Variants in SLC44A1 observed in about 807,000 individuals in gnomAD.
The protein encoded by SLC44A1 is choline transporter-like protein 1.
In SLC44A1, 26 loss-of-function variants were observed where a neutral mutation model predicts 79.3. The observed-to-expected ratio is 0.33, with a 90% CI of 0.24 to 0.46. SLC44A1 has a LOEUF of 0.46. Among genes scored for constraint, SLC44A1 ranks in the 20% least tolerant of loss-of-function variants. The pLI is 1.00. For synonymous variants in SLC44A1, 263 were observed against 286.2 expected (o/e 0.92, Z 0.82); for missense variants, 688 against 798.1 (o/e 0.86, Z 1.66).
intron 15 of SLC44A1, among the ~76,000 whole-genome samples, chr9:105,411,074 T>C (rs1369386256): frequency 6.6e-6 from 1 of 152,204 alleles, no homozygotes; most frequent in African/African-American, 2.4e-5. Flanking sequence ...GTTTCCTTTT[T>C]GGGTAATGAA....
At chr9:105,299,396 T>A in intron 2 of SLC44A1, 87 bp downstream of exon 2, 3 of 805,166 alleles carry the variant, frequency 3.7e-6, no homozygotes, top group Non-Finnish European at 5.7e-6. Context: ...AGTTGTGGAA[T>A]ATACCAGTCC....
rs551372909 is a variant in SLC44A1, at chr9:105,389,575, A to G, written c.*519A>G. 40 of 1,118,340 alleles carry G rather than the reference A, an allele frequency of 3.6e-5. No homozygotes were observed. The African/African-American group carries it at 6.4e-4, about 18-fold the overall frequency. 69.3% of individuals were successfully genotyped at this position (1,118,340 alleles called of 1,614,324 possible). Reference sequence around the variant, plus strand: ...GAATTACTCCAATCAGTTTTCCCCAATCAAAGAAGCCATGTCATTTTACTT... The same window carrying G: ...GAATTACTCCAATCAGTTTTCCCCAGTCAAAGAAGCCATGTCATTTTACTT... On this transcript the variant is annotated 3_prime_UTR_variant, in exon 16 of 16. Transcript: ENST00000374720.
chr9:105,386,351 A>G, intron 15 of SLC44A1: 1 of 945,204 alleles, frequency 1.1e-6, no homozygotes, highest in African/African-American at 1.8e-5. Flanking sequence ...TTATTTTCAA[A>G]TATTATATAA....
At chr9:105,328,041 C>G (rs149316896) in intron 3 of SLC44A1, among the ~76,000 whole-genome samples, 15 of 152,298 alleles carry the variant, frequency 9.8e-5, no homozygotes, top group Middle Eastern at 3.4e-3. Context: ...CCTGAAATAT[C>G]TTCTTCCTTA....
intron 3 of SLC44A1, among the ~76,000 whole-genome samples, chr9:105,324,689 G>A (rs1826515810): frequency 6.6e-6 from 1 of 152,204 alleles, no homozygotes; most frequent in South Asian, 2.1e-4. Flanking sequence ...ATCTGTGATA[G>A]GCAAAGGATT....
Position 105,300,040 on chromosome 9 carries a change from GA to G in SLC44A1, c.126+737del, listed in dbSNP as rs1056088672. The stretch of plus-strand genomic sequence containing the variant: ...GAGTCCCTGCCAGTGTGCTGGGCTG[GA>G]AAAAACATAGAAAACTGCTATTTTT... On this transcript the variant is annotated intron_variant, in intron 2 of 15. Coordinates refer to ENST00000374720, the MANE Select transcript of SLC44A1 (RefSeq NM_080546.5). 166 of 642,028 alleles carry G rather than the reference GA, an allele frequency of 2.6e-4. No individual in the cohort carries two copies. In the African/African-American group the frequency reaches 2.8e-3, roughly 11 times the overall value. 39.8% of individuals were successfully genotyped at this position (642,028 alleles called of 1,614,324 possible).
chr9:105,421,721 G>C (rs1308519108), intron 15 of SLC44A1, among the ~76,000 whole-genome samples: 1 of 151,884 alleles, frequency 6.6e-6, no homozygotes, highest in Non-Finnish European at 1.5e-5. Flanking sequence ...CCGAGTAGCT[G>C]GGACTACAGG....
At chr9:105,403,774 C>G (rs1409195359) in intron 15 of SLC44A1, among the ~76,000 whole-genome samples, 1 of 150,106 alleles carries the variant, frequency 6.7e-6, no homozygotes, top group African/African-American at 2.5e-5. Flanking sequence ...GAGAGTGTTC[C>G]AAGGAGGAAT....
At chr9:105,415,008 C>T (rs1281116484) in intron 15 of SLC44A1, among the ~76,000 whole-genome samples, 2 of 151,892 alleles carry the variant, frequency 1.3e-5, no homozygotes, top group African/African-American at 4.8e-5. Context: ...ACCCATCAAA[C>T]ATAAGAAAGG....
chr9:105,395,284 T>C lies in SLC44A1; in HGVS notation c.*6228T>C. 4.2e-6 allele frequency: 3 copies of C among 718,832 alleles called. No homozygotes were observed. Among genetic ancestry groups the C allele is most frequent in the Non-Finnish European group, 5.1e-6 (3 of 587,090 alleles). The allele number at this position is 718,832 out of a possible 1,614,324, so 44.5% of individuals were successfully genotyped here. ...GCCAGCTTAGAGTGCAGTGGCTCAA[T>C]CTTAGCTCACTGCAACCTCCACCTC... On this transcript the variant is annotated 3_prime_UTR_variant, in exon 16 of 16. Transcript: ENST00000374720.
intron 2 of SLC44A1, among the ~76,000 whole-genome samples, chr9:105,301,807 G>T (rs539725171): frequency 6.6e-6 from 1 of 152,272 alleles, no homozygotes; most frequent in South Asian, 2.1e-4. Flanking sequence ...AATAGGAACT[G>T]GAACTTTCTG....
intron 15 of SLC44A1, chr9:105,385,840 C>T: frequency 7.1e-6 from 7 of 985,352 alleles, no homozygotes; most frequent in Non-Finnish European, 8.4e-6. Context: ...TCAGACTGAA[C>T]ATTTTGGTGT....
At chr9:105,335,429 A>C (rs1588795511) in intron 3 of SLC44A1, 134 bp from the exon 4 acceptor site, 1 of 576,054 alleles carries the variant, frequency 1.7e-6, no homozygotes, top group East Asian at 3.0e-5. Flanking sequence ...ATTTTTTTAA[A>C]ATGTATTTAT....
At chr9:105,298,848 G>C (rs1830799568) in intron 1 of SLC44A1, among the ~76,000 whole-genome samples, 1 of 151,930 alleles carries the variant, frequency 6.6e-6, no homozygotes, top group South Asian at 2.1e-4. Flanking sequence ...GAACCCTCAG[G>C]CATCATGTTA....
At chr9:105,301,414 C>T (rs10991611) in intron 2 of SLC44A1, among the ~76,000 whole-genome samples, 33,143 of 152,096 alleles carry the variant, frequency 0.22, 6,484 homozygotes, top group African/African-American at 0.53. Flanking sequence ...CGAATGATTC[C>T]TTTAATGGAT....
downstream of SLC44A1, among the ~76,000 whole-genome samples, chr9:105,398,588 G>C (rs1426312912): frequency 6.6e-6 from 1 of 152,174 alleles, no homozygotes. Context: ...AGCGTACTCT[G>C]TATTTAACCT....
intron 15 of SLC44A1, among the ~76,000 whole-genome samples, chr9:105,430,170 G>C (rs1020964867): frequency 6.6e-6 from 1 of 152,174 alleles, no homozygotes; most frequent in Admixed American, 6.5e-5. Flanking sequence ...CTGAATTACA[G>C]GCATGAGCCA....
In SLC44A1 at chr9:105,389,028, T is replaced by C. The variant is rs1286209962; in HGVS notation, c.1951-5T>C. On this transcript the variant is annotated splice_polypyrimidine_tract_variant and splice_region_variant and intron_variant, in intron 15 of 15. Coordinates refer to ENST00000374720, the MANE Select transcript of SLC44A1 (RefSeq NM_080546.5). ...GATTATACTCTGTATGACTTTGTTT[T>C]CTAGGCTTCGGGAGCAAGTTCTGCT... 1 of 1,611,878 alleles carries C rather than the reference T, an allele frequency of 6.2e-7. No homozygotes were observed. The highest frequency in any genetic ancestry group is 8.5e-7 in the Non-Finnish European group (1 of 1,178,176).
chr9:105,286,776 A>C (rs1478977185), intron 1 of SLC44A1, among the ~76,000 whole-genome samples: 1 of 152,108 alleles, frequency 6.6e-6, no homozygotes, highest in African/African-American at 2.4e-5. Context: ...CAGCCTGGGC[A>C]ACATAAACGA....
Sources: gnomAD v4.1 joint callset for allele counts (sites outside exome capture counted in the v4.1 genomes callset) on GRCh38, gnomAD v4.1.1 for gene constraint, MANE v1.5 for transcripts, NCBI Gene and HGNC (gene_info 2026-07-23, HGNC 2026-07-21) for gene names.